Variants in RPTN observed in about 807,000 individuals in gnomAD.
RPTN encodes repetin, also known as intermediate filament-associated protein.
Under a neutral mutation model 3.6 loss-of-function variants are expected in RPTN, and 4 were observed. That is an observed-to-expected ratio of 1.12 (90% CI 0.55 to 2.55). The LOEUF is 2.55. Among genes scored for constraint, RPTN ranks in the 30% most tolerant of loss-of-function variants. RPTN has a pLI of 0.02. For missense variants in RPTN, 860 were observed against 916.7 expected (o/e 0.94, Z 0.80); for synonymous variants, 293 against 319.3 (o/e 0.92, Z 0.88).
intron 1 of RPTN, 94 bp from the exon 2 acceptor site, chr1:152,158,003 A>G: frequency 1.9e-6 from 2 of 1,026,464 alleles, no homozygotes; most frequent in South Asian, 1.5e-5. Context: ...TCTGGGAGAA[A>G]GTTTAAGAAG....
chr1:152,157,956 G>A (rs1441094766), intron 1 of RPTN, 47 bp from the exon 2 acceptor site: 21 of 1,527,200 alleles, frequency 1.4e-5, no homozygotes, highest in Middle Eastern at 1.7e-4. Flanking sequence ...TAATGACCAC[G>A]AGACAGCATT....
Position 152,155,368 on chromosome 1 carries a change from T to C in RPTN, c.1731A>G (p.Gln577=), listed in dbSNP as rs891547593. The change falls in exon 3 of 3, where the codon CAA becomes CAG. Residue 577 remains glutamine (Q), a synonymous_variant. Transcript: ENST00000316073. The part of the protein sequence containing the change: ...QSYHYGQTDR[Q]GQSSHYIQSQ... ...ATTGAATATAGTGGGAACTCTGGCC[T>C]TGTCTGTCTGTCTGACCATAATGAT... 3.7e-6 allele frequency: 6 copies of C among 1,614,182 alleles called. No homozygotes were observed. The highest frequency in any genetic ancestry group is 2.2e-5 in the East Asian group (1 of 44,882).
Position 152,156,162 on chromosome 1 carries a change from G to T in RPTN, c.937C>A (p.Gln313Lys), listed in dbSNP as rs747823183. The T allele has an allele frequency of 3.4e-5, 55 of 1,613,826 alleles. No individual in the cohort carries two copies. In the South Asian group the frequency reaches 4.4e-4, roughly 13 times the overall value. The change falls in exon 3 of 3, where the codon CAA becomes AAA. Residue 313 changes from glutamine to lysine, a missense_variant. Gln to Lys is a moderately conservative substitution (Grantham distance 53, BLOSUM62 1). Coordinates refer to ENST00000316073, the MANE Select transcript of RPTN (RefSeq NM_001122965.1). ...TGACTGTAGTGGGAACTCTGGCCTT[G>T]TCTGTCTGTCTGACCATAATGATAA... ...QSYHYGQTDR[Q>K]GQSSHYSQTD... is the part of the protein sequence containing the mutation.
At chr1:152,157,558 GGTGTGTGTGTGTGTGTGTGT>G (rs58634415) in intron 2 of RPTN, among the ~76,000 whole-genome samples, 174 bp downstream of exon 2, 2 of 139,556 alleles carry the variant, frequency 1.4e-5, no homozygotes, top group South Asian at 2.4e-4. Context: ...GATACAAGGA[GGTGTGTGTGTGTGTGTGTGT>G]GTGTGTGTGT....
rs1659236982 is a variant in RPTN at position 152,157,770 on chromosome 1, C to T, written c.120G>A (p.Glu40=). The change falls in exon 2 of 3, where the codon GAG becomes GAA. Residue 40 remains glutamate (E), a synonymous_variant. Transcript: ENST00000316073. ...ATCTTACCTGGAGGATGTCTCCAAA[C>T]TCAGCCAAGAGCAGTTGTTTCAACT... ...KEELKQLLLA[E]FGDILQRPND... The T allele has an allele frequency of 1.9e-6, 3 of 1,613,984 alleles. No homozygotes were observed. Among genetic ancestry groups the T allele is most frequent in the East Asian group, 2.2e-5 (1 of 44,872 alleles).
rs1019810114 is a variant in RPTN, at chr1:152,154,764, C to G, written c.2335G>C (p.Glu779Gln). The change falls in exon 3 of 3, where the codon GAG (glutamate) becomes CAG (glutamine). Residue 779 changes from glutamate to glutamine, a missense_variant. Coordinates refer to ENST00000316073, the MANE Select transcript of RPTN (RefSeq NM_001122965.1). ...CTGTCTCATCTCTGATGGTTCTGCT[C>G]GTCTTCATGGGTTTGCCTGTCTCGT... Reference protein sequence around the residue: ...QRRDRQTHEDEQNHQR With the variant: ...QRRDRQTHEDQQNHQR 6.2e-7 allele frequency: 1 copy of G among 1,613,938 alleles called. No homozygotes were observed. Among genetic ancestry groups the G allele is most frequent in the East Asian group, 2.2e-5 (1 of 44,868 alleles).
chr1:152,154,803 G>A lies in RPTN; in HGVS notation c.2296C>T (p.Gln766Ter). 6.2e-7 allele frequency: 1 copy of A among 1,613,864 alleles called. No individual in the cohort carries two copies. The highest frequency in any genetic ancestry group is 8.5e-7 in the Non-Finnish European group (1 of 1,179,928). Residue 766 changes from glutamine to a stop codon, truncating the protein, a stop_gained, in exon 3 of 3, where the codon CAG becomes TAG. Transcript: ENST00000316073. LOFTEE classifies it low-confidence loss of function (END_TRUNC). ...RRDRQTHEDK[Q>*]NRQRRDRQTH... ...TGCCTGTCTCGTCTCTGACGGTTCT[G>A]CTTGTCTTCATGGGTTTGCCTGTCT...
chr1:152,156,953 T>G lies in RPTN; in HGVS notation c.146A>C (p.Asn49Thr), dbSNP rs779502263. The change falls in exon 3 of 3, where the codon AAT becomes ACT. Residue 49 changes from asparagine (N) to threonine (T), a missense_variant. Asn to Thr is a moderately conservative substitution (Grantham distance 65, BLOSUM62 0). Coordinates refer to ENST00000316073, the MANE Select transcript of RPTN (RefSeq NM_001122965.1). Reference protein sequence around the residue: ...AEFGDILQRPNDPETVETILN... With the variant: ...AEFGDILQRPTDPETVETILN... ...GATGGTTTCCACAGTCTCTGGGTCA[T>G]TTGGTCTCTGTTAGGAGATAAAACA... The G allele has an allele frequency of 6.2e-7, 1 of 1,612,556 alleles. No homozygotes were observed. The highest frequency in any genetic ancestry group is 1.1e-5 in the South Asian group (1 of 90,746).
At chr1:152,157,496 G>C (rs1188037101) in intron 2 of RPTN, among the ~76,000 whole-genome samples, 1 of 152,008 alleles carries the variant, frequency 6.6e-6, no homozygotes, top group Admixed American at 6.6e-5. Context: ...GTTTTCTTCT[G>C]AGAAATTATT....
chr1:152,156,829 G>A lies in RPTN; in HGVS notation c.270C>T (p.Asp90=). 6.2e-7 allele frequency: 1 copy of A among 1,614,130 alleles called. No individual in the cohort carries two copies. Residue 90 remains aspartate, a synonymous_variant, in exon 3 of 3, where the codon GAC becomes GAT. Coordinates refer to ENST00000316073, the MANE Select transcript of RPTN (RefSeq NM_001122965.1). The part of the protein sequence containing the change: ...QLVQACYHKL[D]NKSHGGRTSQ... ...AGGTCCTGCCTCCATGTGACTTATTGTCTAGCTTATGATAGCAGGCTTGGA... is the reference window on the plus strand; with the variant it reads ...AGGTCCTGCCTCCATGTGACTTATTATCTAGCTTATGATAGCAGGCTTGGA...
In RPTN at chr1:152,154,984, T is replaced by C. The variant is rs1383855623; in HGVS notation, c.2115A>G (p.Ala705=). ...AAGTTTGATGGCCCTGCTCTTCCTC[T>C]GCCCAGTGGCTCAGCCCCTCACCAT... ...QSHGEGLSHW[A]EEEQGHQTWD... is the part of the protein sequence containing the mutation. The change falls in exon 3 of 3, where the codon GCA becomes GCG. Residue 705 remains alanine, a synonymous_variant. Coordinates refer to ENST00000316073, the MANE Select transcript of RPTN (RefSeq NM_001122965.1). The C allele has an allele frequency of 6.2e-7, 1 of 1,613,882 alleles. No homozygotes were observed. The highest frequency in any genetic ancestry group is 1.7e-5 in the Admixed American group (1 of 60,010).
chr1:152,156,537 G>C lies in RPTN; in HGVS notation c.562C>G (p.Gln188Glu), dbSNP rs376661116. Residue 188 changes from glutamine (Q) to glutamate (E), a missense_variant, in exon 3 of 3, where the codon CAA (glutamine) becomes GAA (glutamate). Coordinates refer to ENST00000316073, the MANE Select transcript of RPTN (RefSeq NM_001122965.1). ...TGATCAAAGCTGAAATCCTTGTCTT[G>C]TCTCTCAGACTGATTGTGGTGAGAA... is the stretch of plus-strand genomic sequence containing the variant. ...RDSHHNQSERQDKDFSFDQSE... is the reference protein window; with the variant it reads ...RDSHHNQSEREDKDFSFDQSE... 5 of 1,614,068 alleles carry C rather than the reference G, an allele frequency of 3.1e-6. No homozygotes were observed. Among genetic ancestry groups the C allele is most frequent in the Non-Finnish European group, 4.2e-6 (5 of 1,180,048 alleles).
Position 152,154,941 on chromosome 1 carries a change from C to T in RPTN, c.2158G>A (p.Glu720Lys), listed in dbSNP as rs780221528. 99 of 1,614,044 alleles carry T rather than the reference C, an allele frequency of 6.1e-5. No individual in the cohort carries two copies. Among genetic ancestry groups the T allele is most frequent in the Non-Finnish European group, 7.5e-5 (88 of 1,180,036 alleles). Residue 720 changes from glutamate to lysine, a missense_variant, in exon 3 of 3, where the codon GAG becomes AAG. Coordinates refer to ENST00000316073, the MANE Select transcript of RPTN (RefSeq NM_001122965.1). ...GHQTWDRHSH[E>K]SQEGPCGTQD... ...GTCCCACATGGACCTTCCTGACTCT[C>T]ATGGCTGTGTCTATCCCAAGTTTGA... is the stretch of plus-strand genomic sequence containing the variant.
rs1445513796 is a variant in RPTN, at chr1:152,156,354, G to A, written c.745C>T (p.Gln249Ter). 6 of 1,614,232 alleles carry A rather than the reference G, an allele frequency of 3.7e-6. No individual in the cohort carries two copies. The East Asian group carries it at 1.3e-4, about 36-fold the overall frequency. The change falls in exon 3 of 3, where the codon CAA (glutamine) becomes TAA (stop). Residue 249 changes from glutamine (Q) to a stop codon, truncating the protein, a stop_gained. Transcript: ENST00000316073. LOFTEE classifies it low-confidence loss of function (END_TRUNC). ...GAGGCTTGTCCAAGTGTTTCAGATT[G>A]TTGTGTATGTCTTTCAGACTGACCA... ...HYGQSERHTQ[Q>*]SETLGQASHF...
Position 152,154,883 on chromosome 1 carries a change from T to C in RPTN, c.2216A>G (p.Asn739Ser). 1 of 1,614,084 alleles carries C rather than the reference T, an allele frequency of 6.2e-7. No individual in the cohort carries two copies. The highest frequency in any genetic ancestry group is 8.5e-7 in the Non-Finnish European group (1 of 1,180,002). The change falls in exon 3 of 3, where the codon AAC (asparagine) becomes AGC (serine). Residue 739 changes from asparagine (N) to serine (S), a missense_variant. By Grantham distance (46) the Asn-to-Ser change is conservative (BLOSUM62 1). Coordinates refer to ENST00000316073, the MANE Select transcript of RPTN (RefSeq NM_001122965.1). ...GGTTTGTCTGTCTCGTCTCTGATGG[T>C]TCTGCTCATCTTTATGGGTTCGCCT... is the stretch of plus-strand genomic sequence containing the variant. The part of the protein sequence containing the change: ...QDRRTHKDEQ[N>S]HQRRDRQTHE...
In RPTN at chr1:152,155,805, T is replaced by A; in HGVS notation, c.1294A>T (p.Arg432Ter). The A allele has an allele frequency of 6.2e-7, 1 of 1,610,564 alleles. No homozygotes were observed. The highest frequency in any genetic ancestry group is 8.5e-7 in the Non-Finnish European group (1 of 1,178,588). Reference protein sequence around the residue: ...GQGSHYGQTDRQGQSSHYGQP... With the variant: ...GQGSHYGQTD ...CCATAGTGGGAACTCTGGCCTTGTCTGTCTGTCTGACCGTAGTGAGAACCC... is the reference window on the plus strand; with the variant it reads ...CCATAGTGGGAACTCTGGCCTTGTCAGTCTGTCTGACCGTAGTGAGAACCC... Residue 432 changes from arginine to a stop codon, truncating the protein, a stop_gained, in exon 3 of 3, where the codon AGA (arginine) becomes TGA (stop). Transcript: ENST00000316073. LOFTEE classifies it low-confidence loss of function (END_TRUNC).
intron 1 of RPTN, 71 bp from the exon 2 acceptor site, chr1:152,157,980 TGAC>T: frequency 7.7e-7 from 1 of 1,294,474 alleles, no homozygotes; most frequent in Non-Finnish European, 1.1e-6. Context: ...AGAGGGAAAG[TGAC>T]CCCTCTGGAT....
chr1:152,155,433 T>G lies in RPTN; in HGVS notation c.1666A>C (p.Ser556Arg). Residue 556 changes from serine to arginine, a missense_variant, in exon 3 of 3, where the codon AGT becomes CGT. Physicochemically the swap from Ser to Arg is moderately radical, Grantham distance 110 (BLOSUM62 -1). Coordinates refer to ENST00000316073, the MANE Select transcript of RPTN (RefSeq NM_001122965.1). ...HYGQTDRQGQ[S>R]SHYGQTDRQG... ...CTGTCTGTCTGACCGTAGTGGGAAC[T>G]CTGGCCTTGTCTGTCTGTCTGACCA... is the stretch of plus-strand genomic sequence containing the variant. 1 of 1,613,894 alleles carries G rather than the reference T, an allele frequency of 6.2e-7. No individual in the cohort carries two copies. Among genetic ancestry groups the G allele is most frequent in the Non-Finnish European group, 8.5e-7 (1 of 1,179,966 alleles).
At chr1:152,159,104 C>T (rs142558430) in intron 1 of RPTN, 80 bp downstream of exon 1, 7 of 152,780 alleles carry the variant, frequency 4.6e-5, no homozygotes, top group East Asian at 1.9e-4. Flanking sequence ...AATTAAGTCT[C>T]AGACCTCCCC....
Sources: gnomAD v4.1 joint callset for allele counts (sites outside exome capture counted in the v4.1 genomes callset) on GRCh38, gnomAD v4.1.1 for gene constraint, MANE v1.5 for transcripts, NCBI Gene and HGNC (gene_info 2026-07-23, HGNC 2026-07-21) for gene names.